The following MITF variants were observed in gnomAD, a reference collection of about 807,000 sequenced individuals.
MITF encodes melanocyte inducing transcription factor, also known as microphthalmia-associated transcription factor.
Under a neutral mutation model 60.5 loss-of-function variants are expected in MITF, and 17 were observed. The observed-to-expected ratio is 0.28, with a 90% CI of 0.19 to 0.42. The LOEUF is 0.42. Among genes scored for constraint, MITF ranks in the 10% least tolerant of loss-of-function variants. MITF has a pLI of 1.00. For missense variants in MITF, 622 were observed against 683.5 expected (o/e 0.91, Z 1.00); for synonymous variants, 260 against 248.5 (o/e 1.05, Z -0.43).
rs116648252 is a variant in MITF at position 69,805,682 on chromosome 3, G to A, written c.104+65981G>A. Among the ~76,000 whole-genome samples the A allele has an allele frequency of 6.6e-3, 1,007 of 151,824 alleles. 8 individuals are homozygous for A. Among genetic ancestry groups the A allele is most frequent in the African/African-American group, 0.023 (948 of 41,424 alleles). ...ATGCATCTTTCTTTTTTTAAATGAC[G>A]AGGTCGTTCTCTGTCACCTAGGCTG... On this transcript the variant is annotated intron_variant, in intron 1 of 9. Coordinates refer to ENST00000352241, the MANE Select transcript of MITF (RefSeq NM_001354604.2).
intron 1 of MITF, among the ~76,000 whole-genome samples, chr3:69,863,183 T>C (rs2064048329): frequency 6.6e-6 from 1 of 152,210 alleles, no homozygotes; most frequent in Admixed American, 6.5e-5. Context: ...CAAACGGACA[T>C]GGTTCTTGAT....
chr3:69,777,715 T>C (rs1373241119), intron 1 of MITF, among the ~76,000 whole-genome samples: 1 of 152,094 alleles, frequency 6.6e-6, no homozygotes, highest in East Asian at 1.9e-4. Context: ...AGTTATCCCA[T>C]CAAAAATATA....
At chr3:69,761,976 T>C (rs77989649) in intron 1 of MITF, among the ~76,000 whole-genome samples, 4,630 of 152,328 alleles carry the variant, frequency 0.03, 121 homozygotes, top group Non-Finnish European at 0.046. Flanking sequence ...CTCTCTCTTT[T>C]TTCTGCTAAC....
intron 2 of MITF, among the ~76,000 whole-genome samples, chr3:69,887,042 C>T (rs988602008): frequency 3.9e-5 from 6 of 151,920 alleles, no homozygotes; most frequent in African/African-American, 1.4e-4. Flanking sequence ...TTTGGTTTTT[C>T]CTTTCCCATG....
chr3:69,958,039 C>T (rs903079538), intron 8 of MITF, among the ~76,000 whole-genome samples: 10 of 151,868 alleles, frequency 6.6e-5, no homozygotes, highest in African/African-American at 2.4e-4. Context: ...AAAAAGAGTC[C>T]CTCTTATTAC....
intron 2 of MITF, among the ~76,000 whole-genome samples, chr3:69,931,753 C>T (rs1389544283): frequency 2.0e-5 from 3 of 152,102 alleles, no homozygotes; most frequent in East Asian, 1.9e-4. Flanking sequence ...CTGGAATATG[C>T]ACCTGGAATA....
At chr3:69,879,992 A>G (rs1254971614) in intron 2 of MITF, among the ~76,000 whole-genome samples, 2 of 152,168 alleles carry the variant, frequency 1.3e-5, no homozygotes, top group Non-Finnish European at 2.9e-5. Context: ...ATTACTAAGG[A>G]AAATTGTAAC....
chr3:69,871,741 A>G (rs2064241960), intron 1 of MITF, among the ~76,000 whole-genome samples: 1 of 152,222 alleles, frequency 6.6e-6, no homozygotes, highest in African/African-American at 2.4e-5. Context: ...AAACAGCCAG[A>G]GCATGCCCTG....
At chr3:69,883,691 A>G (rs903065927) in intron 2 of MITF, among the ~76,000 whole-genome samples, 2 of 152,172 alleles carry the variant, frequency 1.3e-5, no homozygotes, top group African/African-American at 4.8e-5. Flanking sequence ...TGGTGGCTGC[A>G]AGAAGCCAGA....
intron 1 of MITF, among the ~76,000 whole-genome samples, chr3:69,806,745 G>A (rs1216020488): frequency 6.6e-6 from 1 of 152,082 alleles, no homozygotes; most frequent in Non-Finnish European, 1.5e-5. Flanking sequence ...ATCCACTAAG[G>A]GGTTTAATTC....
Position 69,747,448 on chromosome 3 carries a change from A to C in MITF, c.104+7747A>C, listed in dbSNP as rs62253056. 3.3e-3 allele frequency among the ~76,000 whole-genome samples: 502 copies of C among 152,366 alleles called. 3 individuals carry two copies. The highest frequency in any genetic ancestry group is 5.4e-3 in the Non-Finnish European group (369 of 68,034). On this transcript the variant is annotated intron_variant, in intron 1 of 9. Coordinates refer to ENST00000352241, the MANE Select transcript of MITF (RefSeq NM_001354604.2). ...CTCTGTGACTTTGGTCAAGTTATCC[A>C]ACCTTTCTGAACTCTAATTCTCTCT...
chr3:69,770,117 A>C lies in MITF; in HGVS notation c.104+30416A>C, dbSNP rs552127929. Among the ~76,000 whole-genome samples, 183 of 152,214 alleles carry C rather than the reference A, an allele frequency of 1.2e-3. 2 individuals carry two copies. Among genetic ancestry groups the C allele is most frequent in the Non-Finnish European group, 1.1e-3 (75 of 68,044 alleles). ...ACATCCTTGGGGCATAAGTATAGAA[A>C]TAGTTTCATAAATTTGAAAAAAGAT... is the stretch of plus-strand genomic sequence containing the variant. On this transcript the variant is annotated intron_variant, in intron 1 of 9. Coordinates refer to ENST00000352241, the MANE Select transcript of MITF (RefSeq NM_001354604.2).
At chr3:69,911,671 C>T (rs2107389373) in intron 2 of MITF, among the ~76,000 whole-genome samples, 1 of 152,230 alleles carries the variant, frequency 6.6e-6, no homozygotes, top group African/African-American at 2.4e-5. Flanking sequence ...AGACAGTTCA[C>T]AAAAATTCAA....
intron 1 of MITF, among the ~76,000 whole-genome samples, chr3:69,801,587 T>C (rs892200043): frequency 6.6e-6 from 1 of 152,152 alleles, no homozygotes; most frequent in African/African-American, 2.4e-5. Context: ...CAGGAAGTCA[T>C]TAATTATAAG....
At position 69,967,076 on chromosome 3, in the gene MITF, A is replaced by G. The variant is rs914676937; in HGVS notation, c.*1828A>G. On this transcript the variant is annotated 3_prime_UTR_variant, in exon 10 of 10. Coordinates refer to ENST00000352241, the MANE Select transcript of MITF (RefSeq NM_001354604.2). ...GGTTTTTAAAAAGTGTTTAAATGTC[A>G]AATGTGAATTGGTGATGGGTGATGG... 4.3e-6 allele frequency: 1 copy of G among 232,484 alleles called. No homozygotes were observed. The allele number at this position is 232,484 out of a possible 1,614,324, so 14.4% of individuals were successfully genotyped here.
At chr3:69,777,015 G>T (rs2062484841) in intron 1 of MITF, among the ~76,000 whole-genome samples, 1 of 152,154 alleles carries the variant, frequency 6.6e-6, no homozygotes, top group Non-Finnish European at 1.5e-5. Flanking sequence ...AAATGGAGCT[G>T]TTTCAGCAAA....
At chr3:69,942,456 C>T (rs1177857747) in intron 5 of MITF, among the ~76,000 whole-genome samples, 9 of 151,968 alleles carry the variant, frequency 5.9e-5, no homozygotes, top group Non-Finnish European at 8.8e-5. Flanking sequence ...TTATAGTTAG[C>T]ATTTTCTTTT....
intron 2 of MITF, among the ~76,000 whole-genome samples, chr3:69,893,011 C>G (rs1039417952): frequency 6.6e-6 from 1 of 152,168 alleles, no homozygotes; most frequent in Non-Finnish European, 1.5e-5. Flanking sequence ...AAGATCAACT[C>G]TTTCTGATGC....
At chr3:69,791,603 A>G (rs943833615) in intron 1 of MITF, among the ~76,000 whole-genome samples, 2 of 152,198 alleles carry the variant, frequency 1.3e-5, no homozygotes, top group Admixed American at 1.3e-4. Context: ...ACTTATGCAA[A>G]ATATAAAAAC....
Sources: allele counts gnomAD v4.1 joint callset (sites outside exome capture counted in the v4.1 genomes callset), GRCh38; gene constraint gnomAD v4.1.1; transcripts MANE v1.5; gene names NCBI Gene and HGNC (gene_info 2026-07-23, HGNC 2026-07-21).